CRKL: variants seen among roughly 807,000 people sequenced by gnomAD.
CRKL encodes the protein CRK like proto-oncogene, adaptor protein.
In CRKL, 3 loss-of-function variants were observed where a neutral mutation model predicts 23.0. The ratio of observed to expected loss-of-function variants is 0.13; its 90% CI spans 0.06 to 0.34. The LOEUF (loss-of-function observed/expected upper bound fraction) is 0.34, where lower values mean the gene tolerates loss of function less well. Among genes scored for constraint, CRKL ranks in the 10% least tolerant of loss-of-function variants. The pLI, the probability that CRKL is intolerant of heterozygous loss-of-function variation, is 1.00. For missense variants in CRKL, 256 were observed against 394.5 expected (o/e 0.65, Z 2.97); for synonymous variants, 188 against 160.7 (o/e 1.17, Z -1.28).
intron 2 of CRKL, among the ~76,000 whole-genome samples, chr22:20,937,057 G>C (rs1235359588): frequency 1.3e-5 from 2 of 151,984 alleles, no homozygotes; most frequent in African/African-American, 4.8e-5. Flanking sequence ...TCACTATGTT[G>C]GCCAGGCTGG....
At chr22:20,939,487 C>G (rs191027467) in intron 2 of CRKL, among the ~76,000 whole-genome samples, 9 of 152,138 alleles carry the variant, frequency 5.9e-5, no homozygotes, top group Non-Finnish European at 1.0e-4. Flanking sequence ...ACCTCGTGAT[C>G]CACCTGCCTA....
chr22:20,929,791 G>T (rs1200562163), intron 1 of CRKL, among the ~76,000 whole-genome samples: 2 of 152,158 alleles, frequency 1.3e-5, no homozygotes, highest in African/African-American at 4.8e-5. Flanking sequence ...GAAGTTGGGG[G>T]AGGGTGCTAT....
chr22:20,926,234 A>C (rs905413942), intron 1 of CRKL, among the ~76,000 whole-genome samples: 1 of 152,230 alleles, frequency 6.6e-6, no homozygotes, highest in Admixed American at 6.5e-5. Context: ...TCAGCCTTGT[A>C]AATGAGCTTA....
At chr22:20,929,571 C>A (rs1921363486) in intron 1 of CRKL, among the ~76,000 whole-genome samples, 1 of 152,114 alleles carries the variant, frequency 6.6e-6, no homozygotes, top group South Asian at 2.1e-4. Flanking sequence ...TCAAGCAATT[C>A]TCTTGCCTCA....
At position 20,953,424 on chromosome 22, in the gene CRKL, A is replaced by AAAC. The variant is rs55778752; in HGVS notation, c.*3605_*3607dup. ...TAGACGGTCTTCACTGTGTGTTTTA[A>AAAC]AACAACAACAACAACAACAACAACA... On this transcript the variant is annotated 3_prime_UTR_variant, in exon 3 of 3. Transcript: ENST00000354336. 0.08 allele frequency: 18,265 copies of AAAC among 227,898 alleles called. 644 individuals carry two copies. The highest frequency in any genetic ancestry group is 0.096 in the Middle Eastern group (72 of 750). 14.1% of individuals were successfully genotyped at this position (227,898 alleles called of 1,614,324 possible).
intron 1 of CRKL, among the ~76,000 whole-genome samples, chr22:20,922,205 T>G (rs1921020002): frequency 6.6e-6 from 1 of 151,620 alleles, no homozygotes; most frequent in Non-Finnish European, 1.5e-5. Flanking sequence ...GTATTTTTAG[T>G]AGAGACAAGG....
intron 2 of CRKL, among the ~76,000 whole-genome samples, chr22:20,937,990 C>T (rs1171114585): frequency 1.3e-5 from 2 of 152,122 alleles, no homozygotes; most frequent in African/African-American, 2.4e-5. Flanking sequence ...ATGCCTCAGC[C>T]TCCTGAGTAG....
chr22:20,946,966 A>G (rs1922081867), intron 2 of CRKL, among the ~76,000 whole-genome samples: 3 of 152,204 alleles, frequency 2.0e-5, no homozygotes, highest in South Asian at 2.1e-4. Flanking sequence ...AACAGCCAGG[A>G]TATCTTTACT....
intron 1 of CRKL, among the ~76,000 whole-genome samples, chr22:20,922,466 T>G (rs1396506505): frequency 6.6e-6 from 1 of 152,148 alleles, no homozygotes; most frequent in Non-Finnish European, 1.5e-5. Context: ...GGGCTGTTAT[T>G]GTAATCCAGC....
At chr22:20,934,805 A>AT (rs67055933) in intron 2 of CRKL, among the ~76,000 whole-genome samples, 6,553 of 98,568 alleles carry the variant, frequency 0.066, 826 homozygotes, top group Non-Finnish European at 0.074. Flanking sequence ...AGAGGAATGA[A>AT]TTTTTTTTTT....
intron 1 of CRKL, among the ~76,000 whole-genome samples, chr22:20,921,816 C>T (rs1389319987): frequency 6.6e-6 from 1 of 151,406 alleles, no homozygotes; most frequent in Non-Finnish European, 1.5e-5. Context: ...TCACACCATT[C>T]TCCTGCCTCA....
chr22:20,949,656 A>T (rs2147918073), intron 2 of CRKL, 55 bp from the exon 3 acceptor site: 1 of 1,602,846 alleles, frequency 6.2e-7, no homozygotes, highest in Non-Finnish European at 8.5e-7. Flanking sequence ...TTTAATGTAA[A>T]CTGTCTTTTT....
At chr22:20,938,054 G>A (rs1286094202) in intron 2 of CRKL, among the ~76,000 whole-genome samples, 3 of 152,056 alleles carry the variant, frequency 2.0e-5, no homozygotes, top group Non-Finnish European at 2.9e-5. Flanking sequence ...TTAGGATAGT[G>A]GTGCCTGTCT....
At chr22:20,933,234 G>A (rs1474498859) in intron 1 of CRKL, among the ~76,000 whole-genome samples, 1 of 152,080 alleles carries the variant, frequency 6.6e-6, no homozygotes, top group African/African-American at 2.4e-5. Flanking sequence ...GCGGGGCGTG[G>A]TGGCATGTGC....
chr22:20,921,981 T>TA lies in CRKL; in HGVS notation c.311+3737dup, dbSNP rs779068167. 7.9e-5 allele frequency among the ~76,000 whole-genome samples: 12 copies of TA among 151,098 alleles called. 1 individual carries two copies. The South Asian group carries it at 2.5e-3, about 32-fold the overall frequency. On this transcript the variant is annotated intron_variant, in intron 1 of 2. Transcript: ENST00000354336. ...CCTCGGCCTCCCAAAGTGCTGGAAT[T>TA]ACAAGTGTGAGCCACTGCGCCCGGC...
chr22:20,923,131 T>G (rs980900792), intron 1 of CRKL, among the ~76,000 whole-genome samples: 2 of 152,136 alleles, frequency 1.3e-5, no homozygotes, highest in African/African-American at 4.8e-5. Flanking sequence ...AATTTTACCA[T>G]TAAAAACTAA....
rs1922256658 is a variant in CRKL at position 20,951,074 on chromosome 22, C to A, written c.*1229C>A. ...GGCACTTGGCCAGTTTTCTGTTCAG[C>A]TTTTCAGTGAATGTACCCCTTTAAG... is the stretch of plus-strand genomic sequence containing the variant. On this transcript the variant is annotated 3_prime_UTR_variant, in exon 3 of 3. Transcript: ENST00000354336. 4.3e-6 allele frequency: 1 copy of A among 232,570 alleles called. No individual in the cohort carries two copies. Among genetic ancestry groups the A allele is most frequent in the Admixed American group, 5.6e-5 (1 of 17,748 alleles). The allele number at this position is 232,570 out of a possible 1,614,324, so 14.4% of individuals were successfully genotyped here.
At chr22:20,947,979 C>T (rs1263313784) in intron 2 of CRKL, among the ~76,000 whole-genome samples, 2 of 152,172 alleles carry the variant, frequency 1.3e-5, no homozygotes, top group East Asian at 3.9e-4. Flanking sequence ...CCACTGCGCC[C>T]GGCCACTTTG....
intron 1 of CRKL, among the ~76,000 whole-genome samples, chr22:20,931,753 C>T (rs1233624915): frequency 6.6e-6 from 1 of 152,084 alleles, no homozygotes; most frequent in Non-Finnish European, 1.5e-5. Context: ...AGTATGAGCT[C>T]TTTATTATTA....
Sources: gnomAD v4.1 joint callset for allele counts (sites outside exome capture counted in the v4.1 genomes callset) on GRCh38, gnomAD v4.1.1 for gene constraint, MANE v1.5 for transcripts, NCBI Gene and HGNC (gene_info 2026-07-23, HGNC 2026-07-21) for gene names.